The following ROBO2 variants were observed in gnomAD, a reference collection of about 807,000 sequenced individuals.
ROBO2 encodes roundabout guidance receptor 2, also known as roundabout homolog 2.
A neutral mutation model predicts 160.8 loss-of-function variants in ROBO2; 53 were observed. The observed-to-expected ratio is 0.33, with a 90% CI of 0.26 to 0.41. The LOEUF (loss-of-function observed/expected upper bound fraction) is 0.41, where lower values mean the gene tolerates loss of function less well. ROBO2 is among the 10% of genes least tolerant of loss of function. The pLI is 1.00. For synonymous variants in ROBO2, 664 were observed against 611.7 expected (o/e 1.09, Z -1.26); for missense variants, 1,577 against 1,722.4 (o/e 0.92, Z 1.49).
intron 2 of ROBO2, among the ~76,000 whole-genome samples, chr3:76,860,854 T>G (rs1432241810): frequency 3.3e-5 from 5 of 152,332 alleles, no homozygotes; most frequent in African/African-American, 1.2e-4. Flanking sequence ...CTCCATTTTC[T>G]GATTCCTTCT....
At chr3:76,809,697 T>C (rs2065012318) in intron 2 of ROBO2, among the ~76,000 whole-genome samples, 1 of 152,148 alleles carries the variant, frequency 6.6e-6, no homozygotes, top group Non-Finnish European at 1.5e-5. Context: ...TGTGGCTCCT[T>C]TTAATGATTG....
At chr3:77,216,404 C>T (rs559872257) in intron 2 of ROBO2, among the ~76,000 whole-genome samples, 20 of 152,288 alleles carry the variant, frequency 1.3e-4, no homozygotes, top group African/African-American at 3.6e-4. Context: ...CCTGGTGCGC[C>T]GTTTACTAAG....
chr3:76,939,604 C>A (rs1395295887), intron 2 of ROBO2, among the ~76,000 whole-genome samples: 3 of 151,926 alleles, frequency 2.0e-5, no homozygotes, highest in Non-Finnish European at 4.4e-5. Flanking sequence ...CATGGTGAAA[C>A]CTCATCTCTA....
intron 2 of ROBO2, among the ~76,000 whole-genome samples, chr3:76,089,048 A>G (rs1457601321): frequency 2.0e-5 from 3 of 152,056 alleles, no homozygotes; most frequent in East Asian, 1.9e-4. Context: ...GATAAAGAAT[A>G]TTATGAACAA....
chr3:76,024,596 T>G lies in ROBO2; in HGVS notation c.109+86994T>G, dbSNP rs192073205. 5.8e-4 allele frequency among the ~76,000 whole-genome samples: 88 copies of G among 151,548 alleles called. 1 individual carries two copies. The highest frequency in any genetic ancestry group is 1.1e-3 in the Non-Finnish European group (75 of 67,660). On this transcript the variant is annotated intron_variant, in intron 2 of 26. Transcript: ENST00000487694. ...TCAACTGGAAGCTATATGGAAAGAG[T>G]ATTCGATATAAAAAACACAACAAAT...
chr3:76,379,787 C>T (rs2076528144), intron 2 of ROBO2, among the ~76,000 whole-genome samples: 1 of 152,020 alleles, frequency 6.6e-6, no homozygotes, highest in African/African-American at 2.4e-5. Context: ...GAATAAGCAA[C>T]AATATGAAAT....
intron 2 of ROBO2, among the ~76,000 whole-genome samples, chr3:76,770,680 T>C (rs989308067): frequency 2.0e-5 from 3 of 150,962 alleles, no homozygotes; most frequent in Admixed American, 2.0e-4. Context: ...AAGAGAAAAA[T>C]TGAACTTAAA....
At chr3:76,538,957 A>G (rs2082666326) in intron 2 of ROBO2, among the ~76,000 whole-genome samples, 1 of 152,196 alleles carries the variant, frequency 6.6e-6, no homozygotes, top group Admixed American at 6.5e-5. Flanking sequence ...ATGCTCAACA[A>G]TGATAGACTG....
intron 1 of ROBO2, among the ~76,000 whole-genome samples, chr3:77,079,057 C>T (rs2068334523): frequency 6.6e-6 from 1 of 152,130 alleles, no homozygotes; most frequent in South Asian, 2.1e-4. Flanking sequence ...AAGGCTTCTC[C>T]CGCCTCAGCC....
intron 2 of ROBO2, among the ~76,000 whole-genome samples, chr3:76,423,850 A>G (rs1258935363): frequency 1.3e-5 from 2 of 152,170 alleles, no homozygotes; most frequent in Non-Finnish European, 2.9e-5. Context: ...ATTGTGAGCC[A>G]GGTATTAATG....
chr3:77,164,723 C>T lies in ROBO2; in HGVS notation c.388+66383C>T, dbSNP rs1413982653. On this transcript the variant is annotated intron_variant, in intron 2 of 25. Coordinates refer to ENST00000461745, the Ensembl canonical transcript of ROBO2. ...CCGGGAGGGAGGTGGGGGTGTCAGC[C>T]CTCCGCCCGGCCAGCCACCCCGTCC... is the stretch of plus-strand genomic sequence containing the variant. 6.4e-5 allele frequency among the ~76,000 whole-genome samples: 6 copies of T among 93,162 alleles called. 1 individual carries two copies. The highest frequency in any genetic ancestry group is 6.3e-4 in the Admixed American group (6 of 9,462). The allele number at this position is 93,162 out of a possible 152,430, so 61.1% of individuals were successfully genotyped here. A position where few individuals can be genotyped will look rare whatever the true frequency, so the allele number is the denominator to read the frequency against.
intron 2 of ROBO2, among the ~76,000 whole-genome samples, chr3:76,023,328 T>C (rs554210741): frequency 6.6e-6 from 1 of 151,898 alleles, no homozygotes; most frequent in African/African-American, 2.4e-5. Flanking sequence ...GCTTTTAGCC[T>C]CTCTCAGCTT....
chr3:76,426,644 T>G (rs1390433052), intron 2 of ROBO2, among the ~76,000 whole-genome samples: 2 of 152,072 alleles, frequency 1.3e-5, no homozygotes, highest in Non-Finnish European at 2.9e-5. Context: ...GAAGTGGGCT[T>G]AGATGAAAGG....
intron 6 of ROBO2, among the ~76,000 whole-genome samples, chr3:77,529,905 C>T (rs946729544): frequency 6.6e-6 from 1 of 151,834 alleles, no homozygotes; most frequent in Admixed American, 6.6e-5. Flanking sequence ...CCAAAGAAGA[C>T]ACATAATAAG....
At chr3:76,029,757 G>A (rs965939453) in intron 2 of ROBO2, among the ~76,000 whole-genome samples, 2 of 152,140 alleles carry the variant, frequency 1.3e-5, no homozygotes, top group African/African-American at 2.4e-5. Context: ...TGTTAATCCA[G>A]TCTATCATTG....
At chr3:77,316,261 C>A (rs183497159) in intron 2 of ROBO2, among the ~76,000 whole-genome samples, 1 of 152,254 alleles carries the variant, frequency 6.6e-6, no homozygotes, top group Non-Finnish European at 1.5e-5. Context: ...CCCTGCAGAC[C>A]ATTTGGTGTA....
chr3:77,399,161 G>T (rs1035823335), intron 2 of ROBO2, among the ~76,000 whole-genome samples: 1 of 152,012 alleles, frequency 6.6e-6, no homozygotes, highest in African/African-American at 2.4e-5. Context: ...AATACTTGGG[G>T]CAGTAAATGA....
At chr3:76,951,328 T>C (rs1317024026) in intron 2 of ROBO2, among the ~76,000 whole-genome samples, 1 of 152,254 alleles carries the variant, frequency 6.6e-6, no homozygotes, top group Non-Finnish European at 1.5e-5. Flanking sequence ...GGTTATAACA[T>C]CTTCTATCTA....
chr3:76,048,320 A>T (rs191855868), intron 2 of ROBO2, among the ~76,000 whole-genome samples: 18 of 152,316 alleles, frequency 1.2e-4, no homozygotes, highest in Admixed American at 3.3e-4. Flanking sequence ...ACCATTTTAG[A>T]TAAACAAAAT....
Sources: gnomAD v4.1 joint callset for allele counts (sites outside exome capture counted in the v4.1 genomes callset) on GRCh38, gnomAD v4.1.1 for gene constraint, MANE v1.5 for transcripts, NCBI Gene and HGNC (gene_info 2026-07-23, HGNC 2026-07-21) for gene names.